Variants in FLNC observed in about 807,000 individuals in gnomAD.
FLNC encodes the protein filamin C.
In FLNC, 91 loss-of-function variants were observed where a neutral mutation model predicts 254.3. The ratio of observed to expected loss-of-function variants is 0.36; its 90% CI spans 0.30 to 0.43. FLNC has a LOEUF of 0.43. Ranked by LOEUF, FLNC falls within the 20% of genes least tolerant of loss-of-function variation. The pLI, the probability that FLNC is intolerant of heterozygous loss-of-function variation, is 1.00. For synonymous variants in FLNC, 1,430 were observed against 1,577.2 expected (o/e 0.91, Z 2.21); for missense variants, 2,853 against 3,802.6 (o/e 0.75, Z 6.57).
Position 128,843,601 on chromosome 7 carries a change from A to ACCGC in FLNC, c.2811+28_2811+31dup, listed in dbSNP as rs770288890. 1.4e-5 allele frequency: 23 copies of ACCGC among 1,612,938 alleles called. No homozygotes were observed. The African/African-American group carries it at 2.7e-4, about 19-fold the overall frequency. On this transcript the variant is annotated intron_variant, in intron 18 of 47. Coordinates refer to ENST00000325888, the MANE Select transcript of FLNC (RefSeq NM_001458.5). ...AGGTGCGCTCTGCCCCTCCCATGCTACCGCCCGGCCGGCCCGCCAGAGCCC... is the reference window on the plus strand; with the variant it reads ...AGGTGCGCTCTGCCCCTCCCATGCTACCGCCCGCCCGGCCGGCCCGCCAGAGCCC...
chr7:128,842,914 G>A lies in FLNC; in HGVS notation c.2510G>A (p.Gly837Glu). 1 of 1,614,046 alleles carries A rather than the reference G, an allele frequency of 6.2e-7. No homozygotes were observed. Among genetic ancestry groups the A allele is most frequent in the Non-Finnish European group, 8.5e-7 (1 of 1,180,038 alleles). The change falls in exon 16 of 48, where the codon GGG becomes GAG. Residue 837 changes from glycine to glutamate, a missense_variant. Transcript: ENST00000325888. The surrounding 1 kb of genome is among the most constrained non-coding windows in gnomAD (Gnocchi z 5.4). The stretch of plus-strand genomic sequence containing the variant: ...TTCACCGTCAAGTACACGCCACCAG[G>A]GGCGGGCCGCTACACCATCATGGTG... ...DTFTVKYTPP[G>E]AGRYTIMVLF... is the part of the protein sequence containing the mutation.
In FLNC at chr7:128,846,386, C is replaced by T; in HGVS notation, c.4050C>T (p.Pro1350=). ...FRVGVTEGCD[P]TRVRAFGPGL... is the part of the protein sequence containing the mutation. ...TGGGCGTGACCGAGGGCTGTGATCC[C>T]ACCCGCGTCCGAGCCTTCGGGCCAG... is the stretch of plus-strand genomic sequence containing the variant. Residue 1350 remains proline, a synonymous_variant, in exon 23 of 48, where the codon CCC becomes CCT. Transcript: ENST00000325888. 3 of 1,611,758 alleles carry T rather than the reference C, an allele frequency of 1.9e-6. No individual in the cohort carries two copies. The highest frequency in any genetic ancestry group is 2.5e-6 in the Non-Finnish European group (3 of 1,180,002).
Position 128,844,723 on chromosome 7 carries a change from C to T in FLNC, c.3258C>T (p.Asp1086=). The change falls in exon 21 of 48, where the codon GAC becomes GAT. Residue 1086 remains aspartate (D), a synonymous_variant. Transcript: ENST00000325888. ...GCACCCCCGCGCCATTCTCCATCGA[C>T]ACCAAGGGGGCTGGCACAGGTGGCC... is the stretch of plus-strand genomic sequence containing the variant. ...LVGTPAPFSI[D]TKGAGTGGLG... is the part of the protein sequence containing the mutation. 6.2e-7 allele frequency: 1 copy of T among 1,613,906 alleles called. No homozygotes were observed. Among genetic ancestry groups the T allele is most frequent in the Non-Finnish European group, 8.5e-7 (1 of 1,180,030 alleles).
At chr7:128,844,511 G>A (rs950860306) in intron 20 of FLNC, 147 bp from the exon 21 acceptor site, 4 of 921,468 alleles carry the variant, frequency 4.3e-6, no homozygotes, top group African/African-American at 1.6e-5. Flanking sequence ...GCTTCATCTC[G>A]CTGCCTCAAT....
In FLNC at chr7:128,843,877, G is replaced by C; in HGVS notation, c.2893G>C (p.Asp965His). The change falls in exon 19 of 48, where the codon GAC becomes CAC. Residue 965 changes from aspartate (D) to histidine (H), a missense_variant. By Grantham distance (81) the Asp-to-His change is moderately conservative (BLOSUM62 -1). Transcript: ENST00000325888. ...PFVVNVAPPL[D>H]LSKIKVQGLN... ...TGTGGTGAATGTGGCACCCCCGCTG[G>C]ACCTCAGCAAAATCAAAGTTCAGGG... The C allele has an allele frequency of 6.2e-7, 1 of 1,614,084 alleles. No individual in the cohort carries two copies. The highest frequency in any genetic ancestry group is 1.1e-5 in the South Asian group (1 of 91,078).
In FLNC at chr7:128,849,960, T is replaced by G; in HGVS notation, c.5200-16T>G. The G allele has an allele frequency of 6.4e-7, 1 of 1,565,566 alleles. No individual in the cohort carries two copies. The highest frequency in any genetic ancestry group is 8.7e-7 in the Non-Finnish European group (1 of 1,152,284). ...GAGGCTGCCACACCCTGTGCCCCCG[T>G]GCCTTGCCTCCCCAGGCGTGTGACC... On this transcript the variant is annotated splice_polypyrimidine_tract_variant and intron_variant, in intron 30 of 47. Transcript: ENST00000325888.
Position 128,844,667 on chromosome 7 carries a change from T to C in FLNC, c.3202T>C (p.Tyr1068His). 6.2e-7 allele frequency: 1 copy of C among 1,612,234 alleles called. No homozygotes were observed. ...LPPDPSKVCA[Y>H]GPGLKGGLVG... is the part of the protein sequence containing the mutation. Reference sequence around the variant, plus strand: ...CTGCCTCTTCCCCTAGGTCTGTGCTTATGGCCCGGGTCTCAAGGGTGGACT... The same window carrying C: ...CTGCCTCTTCCCCTAGGTCTGTGCTCATGGCCCGGGTCTCAAGGGTGGACT... The change falls in exon 21 of 48, where the codon TAT (tyrosine) becomes CAT (histidine). Residue 1068 changes from tyrosine to histidine, a missense_variant. Transcript: ENST00000325888.
Position 128,841,265 on chromosome 7 carries a change from G to T in FLNC, c.1909G>T (p.Glu637Ter). 1 of 1,614,162 alleles carries T rather than the reference G, an allele frequency of 6.2e-7. No homozygotes were observed. Among genetic ancestry groups the T allele is most frequent in the South Asian group, 1.1e-5 (1 of 91,086 alleles). Residue 637 changes from glutamate to a stop codon, truncating the protein, a stop_gained, in exon 12 of 48, where the codon GAG (glutamate) becomes TAG (stop). Coordinates refer to ENST00000325888, the MANE Select transcript of FLNC (RefSeq NM_001458.5). LOFTEE classifies it high-confidence loss of function. The surrounding 1 kb of genome is among the most constrained non-coding windows in gnomAD (Gnocchi z 4.3). Reference sequence around the variant, plus strand: ...GCGGTACTGGCCCACGGAGCCTGGGGAGTACGCTGTGCACGTCATCTGTGA... The same window carrying T: ...GCGGTACTGGCCCACGGAGCCTGGGTAGTACGCTGTGCACGTCATCTGTGA... Reference protein sequence around the residue: ...DVRYWPTEPGEYAVHVICDDE... With the variant: ...DVRYWPTEPG
intron 43 of FLNC, 139 bp downstream of exon 43, chr7:128,855,453 G>A: frequency 1.4e-6 from 1 of 699,082 alleles, no homozygotes; most frequent in South Asian, 1.5e-5. Context: ...TAAGGCACGA[G>A]GCAGGGCCCT....
chr7:128,838,448 G>T lies in FLNC; in HGVS notation c.1210+19G>T. The T allele has an allele frequency of 6.2e-7, 1 of 1,613,286 alleles. No homozygotes were observed. Among genetic ancestry groups the T allele is most frequent in the Non-Finnish European group, 8.5e-7 (1 of 1,179,710 alleles). On this transcript the variant is annotated intron_variant, in intron 7 of 47. Transcript: ENST00000325888. ...ACTGCGGGTAGGACGGGCCCCAGGG[G>T]GTGCAGGTGGAAAGCCCCTGACCAT...
In FLNC at chr7:128,841,545, G is replaced by A. The variant is rs753057268; in HGVS notation, c.2099G>A (p.Gly700Glu). Residue 700 changes from glycine to glutamate, a missense_variant, in exon 13 of 48, where the codon GGA becomes GAA. Gly to Glu is a moderately conservative substitution (Grantham distance 98). Around this residue, in one of 10 missense-constraint regions of FLNC, gnomAD observed 1,573 missense variants for 1,883.5 expected, o/e 0.84. Coordinates refer to ENST00000325888, the MANE Select transcript of FLNC (RefSeq NM_001458.5). This position sits in a 1 kb window ranked among gnomAD's most constrained non-coding sequence, Gnocchi z 4.3. ...ATTGATGCTCGTGCAGCTGGCAAGG[G>A]AGACCTGAAGCTCTATGCCCAGGTA... ...FTIDARAAGK[G>E]DLKLYAQDAD... The A allele has an allele frequency of 6.2e-7, 1 of 1,613,910 alleles. No homozygotes were observed. The highest frequency in any genetic ancestry group is 8.5e-7 in the Non-Finnish European group (1 of 1,179,770).
rs1213024791 is a variant in FLNC at position 128,854,093 on chromosome 7, A to C, written c.6604A>C (p.Lys2202Gln). 1.9e-6 allele frequency: 3 copies of C among 1,613,040 alleles called. No individual in the cohort carries two copies. The highest frequency in any genetic ancestry group is 2.5e-6 in the Non-Finnish European group (3 of 1,179,940). The change falls in exon 40 of 48, where the codon AAG becomes CAG. Residue 2202 changes from lysine (K) to glutamine (Q), a missense_variant. Lys to Gln is a moderately conservative substitution (Grantham distance 53, BLOSUM62 1). Transcript: ENST00000325888. ...EISKTRGGET[K>Q]REVRVEESTQ... Reference sequence around the variant, plus strand: ...CAGCAAGACGCGGGGCGGGGAGACAAAGCGCGAGGTGCGGGTGGAGGAGTC... The same window carrying C: ...CAGCAAGACGCGGGGCGGGGAGACACAGCGCGAGGTGCGGGTGGAGGAGTC...
Position 128,841,304 on chromosome 7 carries a change from C to G in FLNC, c.1948C>G (p.Arg650Gly), listed in dbSNP as rs770606675. 1.9e-6 allele frequency: 3 copies of G among 1,613,968 alleles called. No homozygotes were observed. ...CGTCATCTGTGACGATGAGGACATC[C>G]GAGACTCACCCTTCATTGCCCACAT... Reference protein sequence around the residue: ...VHVICDDEDIRDSPFIAHILP... With the variant: ...VHVICDDEDIGDSPFIAHILP... The change falls in exon 12 of 48, where the codon CGA (arginine) becomes GGA (glycine). Residue 650 changes from arginine (R) to glycine (G), a missense_variant. Coordinates refer to ENST00000325888, the MANE Select transcript of FLNC (RefSeq NM_001458.5). The surrounding 1 kb of genome is among the most constrained non-coding windows in gnomAD (Gnocchi z 4.3).
At chr7:128,843,115 T>G in intron 16 of FLNC, 114 bp from the exon 17 acceptor site, 2 of 1,363,528 alleles carry the variant, frequency 1.5e-6, no homozygotes, top group African/African-American at 1.4e-5. Flanking sequence ...GGGGCCCTTT[T>G]GGAGGCTGCC....
Position 128,851,577 on chromosome 7 carries a change from C to T in FLNC, c.5791C>T (p.Arg1931Cys), listed in dbSNP as rs562155863. The T allele has an allele frequency of 5.4e-5, 87 of 1,613,872 alleles. No individual in the cohort carries two copies. Among genetic ancestry groups the T allele is most frequent in the Middle Eastern group, 3.3e-4 (2 of 6,084 alleles). The change falls in exon 35 of 48, where the codon CGC (arginine) becomes TGC (cysteine). Residue 1931 changes from arginine to cysteine, a missense_variant. Arg to Cys is a radical substitution (Grantham distance 180). Transcript: ENST00000325888. Reference sequence around the variant, plus strand: ...GCCTGGAGACTACAGCATCATCGTGCGCTTCGATGACAAGCACATCCCGGG... The same window carrying T: ...GCCTGGAGACTACAGCATCATCGTGTGCTTCGATGACAAGCACATCCCGGG... The part of the protein sequence containing the change: ...TAPGDYSIIV[R>C]FDDKHIPGSP...
At chr7:128,852,384 G>A (rs975178243) in intron 35 of FLNC, among the ~76,000 whole-genome samples, 12 of 152,198 alleles carry the variant, frequency 7.9e-5, no homozygotes, top group African/African-American at 2.9e-4. Flanking sequence ...CAGCCACAGT[G>A]GAATTGGGGT....
chr7:128,855,054 C>T, intron 42 of FLNC, 142 bp downstream of exon 42: 1 of 1,065,232 alleles, frequency 9.4e-7, no homozygotes, highest in South Asian at 1.3e-5. Flanking sequence ...CCGTCTCCCT[C>T]TACCCCACAC....
At chr7:128,846,645 C>T in intron 23 of FLNC, 100 bp from the exon 24 acceptor site, 1 of 1,393,194 alleles carries the variant, frequency 7.2e-7, no homozygotes, top group Non-Finnish European at 9.9e-7. Context: ...AGCTGGGTCC[C>T]CAGCGGCCTG....
chr7:128,853,152 C>T (rs1430058866), intron 37 of FLNC, 121 bp downstream of exon 37: 6 of 1,033,268 alleles, frequency 5.8e-6, no homozygotes, highest in East Asian at 5.2e-5. Context: ...GACCAGTCTG[C>T]GTCAGGATTC....
Sources: allele counts gnomAD v4.1 joint callset (sites outside exome capture counted in the v4.1 genomes callset), GRCh38; gene constraint gnomAD v4.1.1; regional missense constraint gnomAD v4.1.1; non-coding constraint Gnocchi (gnomAD v3.1); transcripts MANE v1.5; gene names NCBI Gene and HGNC (gene_info 2026-07-23, HGNC 2026-07-21).